The following SPHK2 variants were observed in gnomAD, a reference collection of about 807,000 sequenced individuals.
The protein encoded by SPHK2 is sphingosine kinase 2.
In SPHK2, 18 loss-of-function variants were observed where a neutral mutation model predicts 32.3. The observed-to-expected ratio is 0.56, with a 90% CI of 0.39 to 0.83. SPHK2 has a LOEUF of 0.83. Ranked by LOEUF, SPHK2 falls within the 40% of genes least tolerant of loss-of-function variation. The pLI, the probability that SPHK2 is intolerant of heterozygous loss-of-function variation, is 0.00. For synonymous variants in SPHK2, 462 were observed against 417.6 expected, an observed-to-expected ratio of 1.11 and a Z score of -1.30; for missense variants, 850 against 908.7, an observed-to-expected ratio of 0.94 and a Z score of 0.83.
intron 3 of SPHK2, 42 bp from the exon 4 acceptor site, chr19:48,627,650 C>T (rs1241310138): frequency 6.6e-7 from 1 of 1,525,552 alleles, no homozygotes; most frequent in South Asian, 1.3e-5. Flanking sequence ...AGGTGGGGGG[C>T]CTGGGTCACT....
intron 2 of SPHK2, chr19:48,625,347 A>G (rs1300078284): frequency 1.8e-6 from 2 of 1,135,332 alleles, no homozygotes; most frequent in Non-Finnish European, 1.1e-6. Flanking sequence ...CTCAGACCCT[A>G]TCTCTATTGC....
At chr19:48,622,976 G>T (rs1385784198) in intron 2 of SPHK2, among the ~76,000 whole-genome samples, 2 of 151,226 alleles carry the variant, frequency 1.3e-5, no homozygotes, top group Non-Finnish European at 2.9e-5. Context: ...CCAGTGAGGT[G>T]GCTCACGCCT....
intron 2 of SPHK2, chr19:48,624,864 A>G: frequency 1.0e-6 from 1 of 956,444 alleles, no homozygotes; most frequent in Non-Finnish European, 1.2e-6. Flanking sequence ...GGGTGAGTCC[A>G]CAGGCGGTGG....
At chr19:48,624,750 T>G (rs1269864093) in intron 2 of SPHK2, 4 of 234,192 alleles carry the variant, frequency 1.7e-5, no homozygotes, top group African/African-American at 2.3e-5. Flanking sequence ...TGCTTGAACC[T>G]GATTTGAGGT....
Position 48,629,781 on chromosome 19 carries a change from C to G in SPHK2, c.*8C>G, listed in dbSNP as rs777101506. 3.9e-6 allele frequency: 6 copies of G among 1,556,882 alleles called. No homozygotes were observed. The African/African-American group carries it at 6.8e-5, about 18-fold the overall frequency. On this transcript the variant is annotated 3_prime_UTR_variant, in exon 7 of 7. Transcript: ENST00000245222. ...CCGGGGCGGGAGCCCTGAAACTAAA[C>G]AAGCTTGGTACCCGCCGGGGGCGGG...
chr19:48,622,757 C>CTTTTTTTTTT (rs779108312), intron 2 of SPHK2, among the ~76,000 whole-genome samples: 1 of 108,544 alleles, frequency 9.2e-6, no homozygotes, highest in African/African-American at 3.3e-5. Context: ...ATTTGTCTCT[C>CTTTTTTTTTT]TTTTTTTTTT....
intron 2 of SPHK2, chr19:48,624,779 G>T: frequency 2.5e-6 from 1 of 398,806 alleles, no homozygotes; most frequent in Non-Finnish European, 3.4e-6. Context: ...TGGGGCCAGG[G>T]CAGGTTTGGG....
chr19:48,627,978 G>A lies in SPHK2; in HGVS notation c.665G>A (p.Arg222Gln), dbSNP rs753781857. ...ACAGCCCGGTATCCCACTTCAGAAC[G>A]ACAGAACCACGCCCGGGAGCTGGTC... ...GLSFNLIQTE[R>Q]QNHARELVQG... is the part of the protein sequence containing the mutation. The change falls in exon 5 of 7, where the codon CGA becomes CAA. Residue 222 changes from arginine (R) to glutamine (Q), a missense_variant. Arg to Gln is a conservative substitution (Grantham distance 43). This residue lies in a region of SPHK2 where 544 missense variants were observed against 640.0 expected (regional missense o/e 0.85). Coordinates refer to ENST00000245222, the MANE Select transcript of SPHK2 (RefSeq NM_020126.5). 3.8e-6 allele frequency: 6 copies of A among 1,582,282 alleles called. No homozygotes were observed. Among genetic ancestry groups the A allele is most frequent in the Middle Eastern group, 1.7e-4 (1 of 5,948 alleles).
rs148710464 is a variant in SPHK2, at chr19:48,626,084, G to T, written c.233G>T (p.Arg78Leu). The T allele has an allele frequency of 4.3e-6, 7 of 1,612,812 alleles. No homozygotes were observed. The highest frequency in any genetic ancestry group is 5.1e-6 in the Non-Finnish European group (6 of 1,179,626). The change falls in exon 3 of 7, where the codon CGG becomes CTG. Residue 78 changes from arginine to leucine, a missense_variant. Coordinates refer to ENST00000245222, the MANE Select transcript of SPHK2 (RefSeq NM_020126.5). Reference protein sequence around the residue: ...TLTSQALHIQRLRPKPEARPR... With the variant: ...TLTSQALHIQLLRPKPEARPR... ...ACATCGCAGGCCCTGCACATACAGCGGCTGCGCCCCAAACCTGAAGCCAGG... is the reference window on the plus strand; with the variant it reads ...ACATCGCAGGCCCTGCACATACAGCTGCTGCGCCCCAAACCTGAAGCCAGG...
chr19:48,628,994 C>T lies in SPHK2; in HGVS notation c.1186C>T (p.Arg396Cys), dbSNP rs771876163. ...GCCCACCCCTGCCCATAGCCTGCCT[C>T]GTGCCAAGTCGGAGCTGACCCTAAC... ...ASPTPAHSLPRAKSELTLTPD... is the reference protein window; with the variant it reads ...ASPTPAHSLPCAKSELTLTPD... Residue 396 changes from arginine to cysteine, a missense_variant, in exon 7 of 7, where the codon CGT (arginine) becomes TGT (cysteine). Physicochemically the swap from Arg to Cys is radical, Grantham distance 180. Around this residue, in one of 2 missense-constraint regions of SPHK2, gnomAD observed 544 missense variants for 640.0 expected, o/e 0.85. Transcript: ENST00000245222. The surrounding 1 kb of genome is among the most constrained non-coding windows in gnomAD (Gnocchi z 5.2). The T allele has an allele frequency of 3.7e-6, 6 of 1,613,596 alleles. No individual in the cohort carries two copies. Among genetic ancestry groups the T allele is most frequent in the African/African-American group, 1.3e-5 (1 of 74,906 alleles).
At chr19:48,623,480 A>C (rs1287939018) in intron 2 of SPHK2, 1 of 152,136 alleles carries the variant, frequency 6.6e-6, no homozygotes, top group Non-Finnish European at 1.5e-5. Flanking sequence ...CCTAATATAT[A>C]CTTGCCTTTC....
Position 48,628,533 on chromosome 19 carries a change from A to G in SPHK2, c.873-148A>G, listed in dbSNP as rs537577525. On this transcript the variant is annotated intron_variant, in intron 6 of 6. Coordinates refer to ENST00000245222, the MANE Select transcript of SPHK2 (RefSeq NM_020126.5). This position sits in a 1 kb window ranked among gnomAD's most constrained non-coding sequence, Gnocchi z 5.2. ...AGATGACCAGGAACCTGGCCCCGTA[A>G]GGAGTCGCCTGGAGGTGGCCCCACG... is the stretch of plus-strand genomic sequence containing the variant. 59 of 1,030,370 alleles carry G rather than the reference A, an allele frequency of 5.7e-5. No individual in the cohort carries two copies. The highest frequency in any genetic ancestry group is 8.3e-5 in the Non-Finnish European group (55 of 663,786). 63.8% of individuals were successfully genotyped at this position (1,030,370 alleles called of 1,614,324 possible). A position where few individuals can be genotyped will look rare whatever the true frequency, so the allele number is the denominator to read the frequency against.
At position 48,629,981 on chromosome 19, in the gene SPHK2, A is replaced by C; in HGVS notation, c.*208A>C. 7.1e-7 allele frequency: 1 copy of C among 1,400,104 alleles called. No homozygotes were observed. The allele number at this position is 1,400,104 out of a possible 1,614,324, so 86.7% of individuals were successfully genotyped here. A position where few individuals can be genotyped will look rare whatever the true frequency, so the allele number is the denominator to read the frequency against. On this transcript the variant is annotated 3_prime_UTR_variant, in exon 7 of 7. Coordinates refer to ENST00000245222, the MANE Select transcript of SPHK2 (RefSeq NM_020126.5). The stretch of plus-strand genomic sequence containing the variant: ...AGAGAAATGGGCTCGTCCCGAGGGT[A>C]GTGCCTGATCAATGAGGGCGGGGCC...
At position 48,630,076 on chromosome 19, in the gene SPHK2, G is replaced by T; in HGVS notation, c.*303G>T. 2.3e-6 allele frequency: 3 copies of T among 1,280,866 alleles called. No homozygotes were observed. Among genetic ancestry groups the T allele is most frequent in the Non-Finnish European group, 3.0e-6 (3 of 1,013,926 alleles). 79.3% of individuals were successfully genotyped at this position (1,280,866 alleles called of 1,614,324 possible). A position where few individuals can be genotyped will look rare whatever the true frequency, so the allele number is the denominator to read the frequency against. On this transcript the variant is annotated 3_prime_UTR_variant, in exon 7 of 7. Coordinates refer to ENST00000245222, the MANE Select transcript of SPHK2 (RefSeq NM_020126.5). This position sits in a 1 kb window ranked among gnomAD's most constrained non-coding sequence, Gnocchi z 4.9. ...TGACGCTTGCCACCTGCTCCTACCCGGCCAGGATGGCTGAGGGCGGAGTCT... is the reference window on the plus strand; with the variant it reads ...TGACGCTTGCCACCTGCTCCTACCCTGCCAGGATGGCTGAGGGCGGAGTCT...
chr19:48,626,000 T>TCCTCC lies in SPHK2; in HGVS notation c.150_154dup (p.His52ProfsTer158). ...CCGCCACTGGCTGCCAGCACCCCGCTCCTCCATGGCGAGTTTGGCTCCTAC... is the reference window on the plus strand; with the variant it reads ...CCGCCACTGGCTGCCAGCACCCCGCTCCTCCCCTCCATGGCGAGTTTGGCTCCTAC... On this transcript the variant is annotated frameshift_variant, in exon 3 of 7. Coordinates refer to ENST00000245222, the MANE Select transcript of SPHK2 (RefSeq NM_020126.5). LOFTEE classifies it high-confidence loss of function. 1 of 1,613,276 alleles carries TCCTCC rather than the reference T, an allele frequency of 6.2e-7. No individual in the cohort carries two copies. Among genetic ancestry groups the TCCTCC allele is most frequent in the South Asian group, 1.1e-5 (1 of 91,068 alleles).
rs556528686 is a variant in SPHK2, at chr19:48,620,459, T to C, written c.-56T>C. 3.9e-6 allele frequency: 6 copies of C among 1,554,862 alleles called. No homozygotes were observed. In the East Asian group the frequency reaches 1.4e-4, roughly 35 times the overall value. ...ACTCCTTGCTCCTACCAGCCTACTA[T>C]GGCTTAAGACCCAGGGCCAGGGTCC... On this transcript the variant is annotated 5_prime_UTR_variant, in exon 2 of 7. An upstream start codon of the reference 5' UTR is lost. Coordinates refer to ENST00000245222, the MANE Select transcript of SPHK2 (RefSeq NM_020126.5).
intron 1 of SPHK2, 121 bp from the exon 2 acceptor site, chr19:48,620,281 T>C (rs566397019): frequency 1.9e-5 from 10 of 516,584 alleles, no homozygotes; most frequent in African/African-American, 5.7e-5. Context: ...AAATGACTTA[T>C]CTACTCTTCC....
In SPHK2 at chr19:48,625,110, CCCTTG is replaced by C. The variant is rs537350616; in HGVS notation, c.40-779_40-775del. 3.0e-5 allele frequency: 30 copies of C among 999,772 alleles called. No individual in the cohort carries two copies. In the African/African-American group the frequency reaches 4.9e-4, roughly 16 times the overall value. The allele number at this position is 999,772 out of a possible 1,614,324, so 61.9% of individuals were successfully genotyped here. On this transcript the variant is annotated intron_variant, in intron 2 of 6. Transcript: ENST00000245222. ...TCAGGGACCAGCTCTTGGCCCCTGCCCCTTGCAGGCGCTCGCATGTGGCTCCTCTC... is the reference window on the plus strand; with the variant it reads ...TCAGGGACCAGCTCTTGGCCCCTGCCCAGGCGCTCGCATGTGGCTCCTCTC...
chr19:48,626,396 C>T, intron 3 of SPHK2, 34 bp downstream of exon 3: 1 of 1,512,316 alleles, frequency 6.6e-7, no homozygotes, highest in Non-Finnish European at 8.8e-7. Flanking sequence ...ATCCTGGAGC[C>T]ACCTTGGTGT....
Sources: allele counts gnomAD v4.1 joint callset (sites outside exome capture counted in the v4.1 genomes callset), GRCh38; gene constraint gnomAD v4.1.1; regional missense constraint gnomAD v4.1.1; non-coding constraint Gnocchi (gnomAD v3.1); transcripts MANE v1.5; gene names NCBI Gene and HGNC (gene_info 2026-07-23, HGNC 2026-07-21).